Variants in UQCC1 observed in about 807,000 individuals in gnomAD.
UQCC1 encodes ubiquinol-cytochrome c reductase complex assembly factor 1, also known as bFGF-repressed Zic-binding protein.
UQCC1 carries 38 observed loss-of-function variants against 48.0 expected under a neutral mutation model. That is an observed-to-expected ratio of 0.79 (90% CI 0.61 to 1.04). UQCC1 has a LOEUF of 1.04. UQCC1 is among the 50% of genes least tolerant of loss of function. The pLI is 0.00. For synonymous variants in UQCC1, 111 were observed against 129.2 expected, an observed-to-expected ratio of 0.86 and a Z score of 0.95; for missense variants, 368 against 381.8, an observed-to-expected ratio of 0.96 and a Z score of 0.30.
chr20:35,396,523 TC>T (rs2062081462), intron 1 of UQCC1, among the ~76,000 whole-genome samples: 2 of 152,168 alleles, frequency 1.3e-5, no homozygotes, highest in East Asian at 3.9e-4. Flanking sequence ...CTTCATAGAA[TC>T]CCTTTATAGT....
At chr20:35,309,950 T>TG (rs747037002) in intron 8 of UQCC1, among the ~76,000 whole-genome samples, 25 of 152,208 alleles carry the variant, frequency 1.6e-4, no homozygotes, top group Non-Finnish European at 2.6e-4. Context: ...AATGAACACA[T>TG]GCCAAGCTGC....
Position 35,316,930 on chromosome 20 carries a change from G to A in UQCC1, c.574-2165C>T, listed in dbSNP as rs535006711. On this transcript the variant is annotated intron_variant, in intron 7 of 9. Coordinates refer to ENST00000374385, the MANE Select transcript of UQCC1 (RefSeq NM_018244.5). ...TGGGATTACAGGCATGAGCCACCAC[G>A]CCCGGCCCATTTCCTTTTTTTTTGA... Among the ~76,000 whole-genome samples the A allele has an allele frequency of 1.4e-4, 21 of 150,554 alleles. No homozygotes were observed. The South Asian group carries it at 4.0e-3, about 29-fold the overall frequency.
intron 7 of UQCC1, among the ~76,000 whole-genome samples, chr20:35,320,504 C>T (rs2061112120): frequency 6.6e-6 from 1 of 152,246 alleles, no homozygotes; most frequent in African/African-American, 2.4e-5. Context: ...TTCCTGTGCC[C>T]CACAGCTCAG....
chr20:35,327,827 C>A (rs2061211834), intron 7 of UQCC1, among the ~76,000 whole-genome samples: 2 of 152,036 alleles, frequency 1.3e-5, no homozygotes. Context: ...CATGGTGAAA[C>A]CCCTTCTTTA....
At chr20:35,312,605 G>A (rs1041760514) in intron 8 of UQCC1, among the ~76,000 whole-genome samples, 3 of 152,168 alleles carry the variant, frequency 2.0e-5, no homozygotes, top group Non-Finnish European at 4.4e-5. Flanking sequence ...CCGCTTCCCA[G>A]GAGGGGTCAT....
chr20:35,385,629 G>C (rs2061932692), intron 2 of UQCC1, among the ~76,000 whole-genome samples: 1 of 152,132 alleles, frequency 6.6e-6, no homozygotes, highest in Non-Finnish European at 1.5e-5. Context: ...AGCCTCCTGA[G>C]TTGCTGGGAC....
chr20:35,386,184 A>C, intron 2 of UQCC1: 1 of 358,810 alleles, frequency 2.8e-6, no homozygotes, highest in Admixed American at 4.1e-5. Context: ...TTGTTAAGTT[A>C]GAATTATGGA....
intron 6 of UQCC1, among the ~76,000 whole-genome samples, chr20:35,354,543 C>T (rs1460077902): frequency 1.3e-5 from 2 of 152,078 alleles, no homozygotes; most frequent in Non-Finnish European, 2.9e-5. Context: ...ACTACAGGTG[C>T]CCGCCACCAC....
intron 7 of UQCC1, among the ~76,000 whole-genome samples, chr20:35,319,620 G>A (rs946186093): frequency 6.6e-6 from 1 of 151,924 alleles, no homozygotes; most frequent in Admixed American, 6.6e-5. Flanking sequence ...TGTCCCAGGG[G>A]AAACAGCATA....
chr20:35,394,026 A>T, intron 2 of UQCC1, 66 bp downstream of exon 2: 1 of 1,489,364 alleles, frequency 6.7e-7, no homozygotes, highest in Non-Finnish European at 9.3e-7. Flanking sequence ...GCTAATCTAT[A>T]AATACATGAC....
chr20:35,410,729 A>AAAAAAAAAAAAAAAAAAAC (rs2062345940), intron 1 of UQCC1, among the ~76,000 whole-genome samples: 1 of 102,818 alleles, frequency 9.7e-6, no homozygotes, highest in African/African-American at 3.9e-5. Flanking sequence ...AAAAAACAAA[A>AAAAAAAAAAAAAAAAAAAC]CCCTAAAGGG....
At chr20:35,362,798 C>T (rs181398522) in intron 6 of UQCC1, among the ~76,000 whole-genome samples, 84 of 152,052 alleles carry the variant, frequency 5.5e-4, no homozygotes, top group Admixed American at 1.3e-3. Flanking sequence ...AGCTAGAGGC[C>T]AAAGACCACT....
At chr20:35,371,808 A>G (rs1043152295) in intron 5 of UQCC1, among the ~76,000 whole-genome samples, 2 of 151,764 alleles carry the variant, frequency 1.3e-5, no homozygotes, top group Admixed American at 6.6e-5. Flanking sequence ...CCAGGAGTTC[A>G]AGACCAGCCT....
intron 1 of UQCC1, among the ~76,000 whole-genome samples, chr20:35,400,411 T>G (rs2062145814): frequency 6.6e-6 from 1 of 152,084 alleles, no homozygotes; most frequent in African/African-American, 2.4e-5. Context: ...TCCTTTAACT[T>G]AAGATAAATG....
chr20:35,405,813 G>A (rs1009406276), intron 1 of UQCC1, among the ~76,000 whole-genome samples: 5 of 152,160 alleles, frequency 3.3e-5, no homozygotes, highest in Non-Finnish European at 5.9e-5. Flanking sequence ...GCTTGAACCC[G>A]GGAGGTGGAG....
chr20:35,371,833 G>C lies in UQCC1; in HGVS notation c.406+2351C>G, dbSNP rs558766011. 9.3e-5 allele frequency among the ~76,000 whole-genome samples: 14 copies of C among 150,866 alleles called. No individual in the cohort carries two copies. The South Asian group carries it at 2.9e-3, about 32-fold the overall frequency. ...AAGACCAGCCTGGGCAACATAGTGA[G>C]ACCCTGTCTCTACAAAAAATAAAAA... On this transcript the variant is annotated intron_variant, in intron 5 of 9. Coordinates refer to ENST00000374385, the MANE Select transcript of UQCC1 (RefSeq NM_018244.5).
intron 7 of UQCC1, among the ~76,000 whole-genome samples, chr20:35,321,312 G>A (rs550434581): frequency 2.8e-4 from 42 of 151,918 alleles, no homozygotes; most frequent in East Asian, 2.7e-3. Context: ...GCTCAGGCAC[G>A]CATGCATATT....
rs182170764 is a variant in UQCC1, at chr20:35,390,095, G to A, written c.129+3997C>T. Among the ~76,000 whole-genome samples, 23 of 152,280 alleles carry A rather than the reference G, an allele frequency of 1.5e-4. 1 individual carries two copies. Among genetic ancestry groups the A allele is most frequent in the African/African-American group, 5.1e-4 (21 of 41,574 alleles). On this transcript the variant is annotated intron_variant, in intron 2 of 9. Transcript: ENST00000374385. ...AGTTATAAAAGAACAAAAACTGTAT[G>A]AGTCCACTCACATGAAGTATCCTAA...
At chr20:35,391,648 G>A in intron 2 of UQCC1, among the ~76,000 whole-genome samples, 1 of 141,286 alleles carries the variant, frequency 7.1e-6, no homozygotes, top group East Asian at 2.1e-4. Context: ...AAAAAAAAAT[G>A]AAAATTTAAC....
Sources: allele counts gnomAD v4.1 joint callset (sites outside exome capture counted in the v4.1 genomes callset), GRCh38; gene constraint gnomAD v4.1.1; transcripts MANE v1.5; gene names NCBI Gene and HGNC (gene_info 2026-07-23, HGNC 2026-07-21).